The following TMIGD1 variants were observed in gnomAD, a reference collection of about 807,000 sequenced individuals.
TMIGD1 encodes the protein transmembrane and immunoglobulin domain-containing protein 1.
A neutral mutation model predicts 27.5 loss-of-function variants in TMIGD1; 29 were observed. That is an observed-to-expected ratio of 1.05 (90% CI 0.78 to 1.44). TMIGD1 has a LOEUF of 1.44. TMIGD1 is among the 40% of genes most tolerant of loss of function. The pLI is 0.00. For synonymous variants in TMIGD1, 109 were observed against 110.3 expected (o/e 0.99, Z 0.07); for missense variants, 334 against 310.6 (o/e 1.08, Z -0.57).
At chr17:30,328,583 AAG>A (rs1259938654) in intron 3 of TMIGD1, among the ~76,000 whole-genome samples, 3 of 152,180 alleles carry the variant, frequency 2.0e-5, no homozygotes. Flanking sequence ...TTAAGGATAC[AAG>A]CAGGCATTTC....
chr17:30,320,063 GT>G (rs1909567734), intron 4 of TMIGD1, among the ~76,000 whole-genome samples: 1 of 151,094 alleles, frequency 6.6e-6, no homozygotes, highest in African/African-American at 2.4e-5. Context: ...TTGAGACGGA[GT>G]TTTGCTCCTG....
chr17:30,328,922 C>T (rs145918184), intron 3 of TMIGD1, among the ~76,000 whole-genome samples: 28 of 146,940 alleles, frequency 1.9e-4, no homozygotes, highest in Non-Finnish European at 4.0e-4. Context: ...CGAGATTGCG[C>T]CACTGAACTG....
intron 3 of TMIGD1, among the ~76,000 whole-genome samples, chr17:30,329,013 A>C (rs923398471): frequency 2.1e-5 from 3 of 140,218 alleles, no homozygotes; most frequent in Non-Finnish European, 4.8e-5. Flanking sequence ...AGAAAAAAGA[A>C]AAGAAAAGAG....
chr17:30,330,185 G>A (rs543870734), intron 2 of TMIGD1, among the ~76,000 whole-genome samples: 5 of 45,366 alleles, frequency 1.1e-4, no homozygotes, highest in South Asian at 7.9e-4. Flanking sequence ...CCCACCCCCC[G>A]ACCCCCGGTG....
chr17:30,320,060 G>A lies in TMIGD1; in HGVS notation c.641-1147C>T, dbSNP rs184721320. On this transcript the variant is annotated intron_variant, in intron 4 of 6. Transcript: ENST00000328886. ...AGAGCTATTTTTTTTTTTTTGAGAC[G>A]GAGTTTTGCTCCTGTTGCCCAGGCT... 9.2e-3 allele frequency among the ~76,000 whole-genome samples: 1,377 copies of A among 150,386 alleles called. 13 individuals carry two copies. The highest frequency in any genetic ancestry group is 0.015 in the Non-Finnish European group (1,006 of 67,634).
intron 4 of TMIGD1, among the ~76,000 whole-genome samples, chr17:30,321,882 G>A (rs1421393360): frequency 6.6e-6 from 1 of 152,168 alleles, no homozygotes; most frequent in African/African-American, 2.4e-5. Context: ...AGACTGGAGT[G>A]CAGTGGCATG....
intron 3 of TMIGD1, among the ~76,000 whole-genome samples, chr17:30,328,557 A>G (rs566442368): frequency 2.0e-5 from 3 of 152,184 alleles, no homozygotes; most frequent in Non-Finnish European, 4.4e-5. Context: ...CATAAAACCC[A>G]ACGGAAAAAA....
rs562592471 is a variant in TMIGD1, at chr17:30,331,733, C to T, written c.82+319G>A. Among the ~76,000 whole-genome samples, 89 of 152,122 alleles carry T rather than the reference C, an allele frequency of 5.9e-4. No individual in the cohort carries two copies. In the South Asian group the frequency reaches 0.014, roughly 24 times the overall value. ...CCACCCGAGTAGCTGGAACTACAGG[C>T]GCCTGCCAGCACACCAGGCTAATTT... On this transcript the variant is annotated intron_variant, in intron 2 of 6. Transcript: ENST00000328886.
At chr17:30,333,815 A>G (rs950516188) in intron 1 of TMIGD1, among the ~76,000 whole-genome samples, 185 bp downstream of exon 1, 1 of 152,184 alleles carries the variant, frequency 6.6e-6, no homozygotes, top group Non-Finnish European at 1.5e-5. Flanking sequence ...CAAGTACTCA[A>G]TAAAAACTGA....
intron 5 of TMIGD1, 53 bp downstream of exon 5, chr17:30,318,757 G>T: frequency 1.5e-6 from 2 of 1,364,492 alleles, no homozygotes; most frequent in Non-Finnish European, 2.1e-6. Context: ...CTAGCTTTCT[G>T]CCTTTATTCA....
Position 30,325,020 on chromosome 17 carries a change from T to C in TMIGD1, c.436A>G (p.Lys146Glu), listed in dbSNP as rs770529663. ...GSNVKLVCNV[K>E]ANPQAQMMWY... is the part of the protein sequence containing the mutation. ...ATCATTTGAGCCTGGGGGTTGGCTT[T>C]CACATTGCAAACCAACTTCACATTA... Residue 146 changes from lysine (K) to glutamate (E), a missense_variant, in exon 4 of 7, where the codon AAA becomes GAA. By Grantham distance (56) the Lys-to-Glu change is moderately conservative (BLOSUM62 1). Transcript: ENST00000328886. The C allele has an allele frequency of 3.1e-6, 5 of 1,614,024 alleles. No homozygotes were observed. The African/African-American group carries it at 6.7e-5, about 22-fold the overall frequency.
At chr17:30,323,735 G>A (rs1032511840) in intron 4 of TMIGD1, among the ~76,000 whole-genome samples, 18 of 152,170 alleles carry the variant, frequency 1.2e-4, no homozygotes, top group South Asian at 2.1e-4. Context: ...ACCCTTCCAT[G>A]CTTTTGTGGT....
At chr17:30,320,846 C>T (rs569160445) in intron 4 of TMIGD1, among the ~76,000 whole-genome samples, 1 of 152,190 alleles carries the variant, frequency 6.6e-6, no homozygotes, top group Admixed American at 6.6e-5. Flanking sequence ...CTACCCTAGG[C>T]AACATAGTGA....
intron 3 of TMIGD1, 84 bp from the exon 4 acceptor site, chr17:30,325,178 CAT>C (rs2143159608): frequency 2.8e-6 from 4 of 1,428,818 alleles, no homozygotes; most frequent in Non-Finnish European, 2.8e-6. Context: ...CAATCTATCT[CAT>C]GTGGTCATTT....
At chr17:30,317,261 C>G in intron 5 of TMIGD1, 28 bp from the exon 6 acceptor site, 1 of 1,613,762 alleles carries the variant, frequency 6.2e-7, no homozygotes, top group Non-Finnish European at 8.5e-7. Context: ...AGTAAATTAG[C>G]CTGCTTTTTA....
chr17:30,319,700 A>G (rs1261449246), intron 4 of TMIGD1, among the ~76,000 whole-genome samples: 3 of 151,986 alleles, frequency 2.0e-5, no homozygotes, highest in Non-Finnish European at 4.4e-5. Flanking sequence ...AGGCTTTGAG[A>G]GCAAGAAGAG....
At chr17:30,322,203 G>A (rs995884321) in intron 4 of TMIGD1, among the ~76,000 whole-genome samples, 5 of 152,088 alleles carry the variant, frequency 3.3e-5, no homozygotes, top group African/African-American at 1.2e-4. Flanking sequence ...CCCTCTCTTA[G>A]CTGTTTCTAA....
intron 1 of TMIGD1, among the ~76,000 whole-genome samples, 187 bp from the exon 2 acceptor site, chr17:30,332,345 A>AT (rs1433444748): frequency 2.0e-5 from 3 of 152,082 alleles, no homozygotes; most frequent in Non-Finnish European, 4.4e-5. Flanking sequence ...GTAGTAAGAA[A>AT]TTTTTTTTAA....
At chr17:30,319,381 C>T (rs1487087294) in intron 4 of TMIGD1, among the ~76,000 whole-genome samples, 1 of 136,928 alleles carries the variant, frequency 7.3e-6, no homozygotes, top group Non-Finnish European at 1.5e-5. Flanking sequence ...GCCAGGGTCG[C>T]GCTACTGCAC....
Sources: gnomAD v4.1 joint callset for allele counts (sites outside exome capture counted in the v4.1 genomes callset) on GRCh38, gnomAD v4.1.1 for gene constraint, MANE v1.5 for transcripts, NCBI Gene and HGNC (gene_info 2026-07-23, HGNC 2026-07-21) for gene names.